Variants in EPM2A observed in about 807,000 individuals in gnomAD.
EPM2A encodes the protein EPM2A glucan phosphatase, laforin.
EPM2A carries 21 observed loss-of-function variants against 26.5 expected under a neutral mutation model. That is an observed-to-expected ratio of 0.79 (90% CI 0.56 to 1.14). The LOEUF (loss-of-function observed/expected upper bound fraction) is 1.14. EPM2A is among the 50% of genes most tolerant of loss of function. The probability of loss-of-function intolerance (pLI) is 0.00; values close to 1 mark genes in which losing one functional copy is unlikely to be tolerated. For missense variants in EPM2A, 458 were observed against 440.8 expected (o/e 1.04, Z -0.35); for synonymous variants, 217 against 177.6 (o/e 1.22, Z -1.76).
rs1775804270 is a variant in EPM2A at position 145,626,307 on chromosome 6, T to C, written c.*1109A>G. On this transcript the variant is annotated 3_prime_UTR_variant, in exon 4 of 4. Transcript: ENST00000367519. ...GTCTGGAGGCACAGGAACTGCATAT[T>C]ATACTAAATTGAGAGCTGAGCCAGG... The C allele has an allele frequency of 1.0e-6, 1 of 986,216 alleles. No individual in the cohort carries two copies. Among genetic ancestry groups the C allele is most frequent in the Admixed American group, 6.1e-5 (1 of 16,348 alleles). 61.1% of individuals were successfully genotyped at this position (986,216 alleles called of 1,614,324 possible).
At chr6:145,713,551 C>A (rs1583106763) in intron 1 of EPM2A, among the ~76,000 whole-genome samples, 1 of 152,146 alleles carries the variant, frequency 6.6e-6, no homozygotes, top group Admixed American at 6.5e-5. Context: ...CCATTTCACA[C>A]CCTCTACAAT....
intron 2 of EPM2A, among the ~76,000 whole-genome samples, chr6:145,540,135 C>T (rs1780486900): frequency 1.3e-5 from 2 of 152,212 alleles, no homozygotes; most frequent in Non-Finnish European, 2.9e-5. Context: ...GCCCCCATGG[C>T]ACCATGCCCC....
intron 2 of EPM2A, among the ~76,000 whole-genome samples, chr6:145,527,706 GGTTTT>G (rs1362431111): frequency 6.6e-6 from 1 of 151,918 alleles, no homozygotes; most frequent in African/African-American, 2.4e-5. Context: ...AAGAAGGATG[GGTTTT>G]GTTTTGTTTG....
intron 2 of EPM2A, among the ~76,000 whole-genome samples, chr6:145,672,082 A>T (rs376304510): frequency 6.6e-6 from 1 of 152,224 alleles, no homozygotes; most frequent in African/African-American, 2.4e-5. Context: ...TTTGGTCCTA[A>T]CTGTAGCCTG....
At chr6:145,393,064 A>AT (rs1778358719) in intron 4 of EPM2A, among the ~76,000 whole-genome samples, 3 of 151,868 alleles carry the variant, frequency 2.0e-5, no homozygotes, top group Admixed American at 1.3e-4. Context: ...TTTCCAACTC[A>AT]TTTTTTCTTT....
chr6:145,582,788 C>T (rs754218910), intron 2 of EPM2A, among the ~76,000 whole-genome samples: 45 of 152,290 alleles, frequency 3.0e-4, no homozygotes, highest in Admixed American at 2.0e-4. Context: ...TTCAGAGACA[C>T]CAATGATTCA....
chr6:145,500,215 G>A (rs558031556), downstream of EPM2A, among the ~76,000 whole-genome samples: 5 of 152,300 alleles, frequency 3.3e-5, no homozygotes, highest in East Asian at 9.6e-4. Context: ...TAGAGAGAGA[G>A]TCGTCAAAAC....
intron 2 of EPM2A, among the ~76,000 whole-genome samples, chr6:145,547,723 T>G (rs986374571): frequency 1.3e-5 from 2 of 152,124 alleles, no homozygotes; most frequent in African/African-American, 4.8e-5. Flanking sequence ...CTCTTGCTAT[T>G]GAACAGAAAA....
rs1582910071 is a variant in EPM2A at position 145,626,636 on chromosome 6, GATT to G, written c.*777_*779del. 2.0e-6 allele frequency: 2 copies of G among 978,270 alleles called. No individual in the cohort carries two copies. Among genetic ancestry groups the G allele is most frequent in the African/African-American group, 1.7e-5 (1 of 57,160 alleles). 60.6% of individuals were successfully genotyped at this position (978,270 alleles called of 1,614,324 possible). On this transcript the variant is annotated 3_prime_UTR_variant, in exon 4 of 4. Coordinates refer to ENST00000367519, the MANE Select transcript of EPM2A (RefSeq NM_005670.4). ...AACAGTGCTGAGTCAAATAAATATA[GATT>G]ATTAACTCCAGCTTGCCCTTGACTG...
chr6:145,653,575 T>G (rs943770041), intron 2 of EPM2A, among the ~76,000 whole-genome samples: 2 of 152,232 alleles, frequency 1.3e-5, no homozygotes, highest in African/African-American at 4.8e-5. Flanking sequence ...AAATAGGACA[T>G]GTGCATATGT....
At position 145,384,625 on chromosome 6, in the gene EPM2A, T is replaced by C. The variant is rs1778234144; in HGVS notation, c.556-528A>G. 1.4e-5 allele frequency among the ~76,000 whole-genome samples: 2 copies of C among 146,836 alleles called. 1 individual carries two copies. Among genetic ancestry groups the C allele is most frequent in the Admixed American group, 1.4e-4 (2 of 14,360 alleles). On this transcript the variant is annotated intron_variant, in intron 4 of 4. Transcript: ENST00000638717. ...GGCAGGTGGGGAAAGCAACTCTCTT[T>C]AGGGGAGAGTAGTTCCTGGGGAGTG...
chr6:145,688,042 A>G (rs1008801598), intron 1 of EPM2A, among the ~76,000 whole-genome samples: 22 of 152,204 alleles, frequency 1.4e-4, no homozygotes, highest in Non-Finnish European at 2.5e-4. Context: ...TGTAAACCAT[A>G]TAAGTTTTTT....
intron 1 of EPM2A, among the ~76,000 whole-genome samples, chr6:145,732,739 T>C (rs1304544715): frequency 3.9e-5 from 6 of 152,248 alleles, no homozygotes; most frequent in Admixed American, 6.5e-5. Context: ...ACAGTTTTCA[T>C]GTCACAAAAT....
At chr6:145,688,636 T>C (rs1162493108) in intron 1 of EPM2A, among the ~76,000 whole-genome samples, 2 of 151,968 alleles carry the variant, frequency 1.3e-5, no homozygotes, top group Admixed American at 6.6e-5. Flanking sequence ...TGAGTGTAAA[T>C]GGTAATTGAA....
At chr6:145,565,985 T>G (rs189163377) in intron 2 of EPM2A, among the ~76,000 whole-genome samples, 1 of 152,304 alleles carries the variant, frequency 6.6e-6, no homozygotes, top group African/African-American at 2.4e-5. Flanking sequence ...TATTTCCATA[T>G]AAGAATGGAT....
downstream of EPM2A, among the ~76,000 whole-genome samples, chr6:145,620,635 G>A (rs1775612918): frequency 6.6e-6 from 1 of 152,188 alleles, no homozygotes; most frequent in South Asian, 2.1e-4. Context: ...ACTAGAAATT[G>A]ATAAAGTCTT....
chr6:145,724,023 C>G (rs532138419), intron 1 of EPM2A, among the ~76,000 whole-genome samples: 1 of 152,160 alleles, frequency 6.6e-6, no homozygotes, highest in East Asian at 1.9e-4. Flanking sequence ...CTCCACCAGA[C>G]AAAGTGAGGA....
At chr6:145,662,623 G>A (rs190318286) in intron 2 of EPM2A, among the ~76,000 whole-genome samples, 1 of 152,272 alleles carries the variant, frequency 6.6e-6, no homozygotes, top group African/African-American at 2.4e-5. Context: ...GGAGCAAGGT[G>A]GGGATCAGTG....
At chr6:145,593,839 A>G (rs998524061) in intron 2 of EPM2A, among the ~76,000 whole-genome samples, 2 of 151,948 alleles carry the variant, frequency 1.3e-5, no homozygotes, top group Non-Finnish European at 2.9e-5. Context: ...TACGTAATCT[A>G]AACTTTCACC....
Sources: allele counts gnomAD v4.1 joint callset (sites outside exome capture counted in the v4.1 genomes callset), GRCh38; gene constraint gnomAD v4.1.1; transcripts MANE v1.5; gene names NCBI Gene and HGNC (gene_info 2026-07-23, HGNC 2026-07-21).